FAM178B: variants seen among roughly 807,000 people sequenced by gnomAD.
FAM178B encodes family with sequence similarity 178 member B.
FAM178B carries 82 observed loss-of-function variants against 91.7 expected under a neutral mutation model. The ratio of observed to expected loss-of-function variants is 0.89; its 90% CI spans 0.75 to 1.07. The LOEUF is 1.07. Ranked by LOEUF, FAM178B falls within the 50% of genes least tolerant of loss-of-function variation. FAM178B has a pLI of 0.00. For missense variants in FAM178B, 769 were observed against 846.7 expected (o/e 0.91, Z 1.14); for synonymous variants, 368 against 359.4 (o/e 1.02, Z -0.27).
At chr2:96,936,767 T>C (rs1388136018) in intron 8 of FAM178B, among the ~76,000 whole-genome samples, 1 of 151,630 alleles carries the variant, frequency 6.6e-6, no homozygotes, top group Non-Finnish European at 1.5e-5. Context: ...CACCTCATCC[T>C]CCCAAAATGC....
chr2:96,960,469 G>A (rs1302791207), intron 5 of FAM178B, 29 bp from the exon 6 acceptor site: 1 of 1,514,536 alleles, frequency 6.6e-7, no homozygotes, highest in East Asian at 2.5e-5. Flanking sequence ...GGAGGGCCGG[G>A]CATCAGCAGA....
At chr2:96,957,372 A>C (rs1796044) in intron 6 of FAM178B, among the ~76,000 whole-genome samples, 114,709 of 152,046 alleles carry the variant, frequency 0.75, 44,401 homozygotes, top group Middle Eastern at 0.83. Context: ...CAGGACTGAG[A>C]CCGAGTCACA....
intron 6 of FAM178B, among the ~76,000 whole-genome samples, chr2:96,958,862 G>C (rs2082040490): frequency 1.3e-5 from 2 of 151,808 alleles, no homozygotes; most frequent in African/African-American, 4.8e-5. Flanking sequence ...ACAAACTGAA[G>C]TATTTGTAGA....
At position 96,951,427 on chromosome 2, in the gene FAM178B, G is replaced by C. The variant is rs1273385857; in HGVS notation, c.945C>G (p.Tyr315Ter). 1 of 1,551,672 alleles carries C rather than the reference G, an allele frequency of 6.4e-7. No individual in the cohort carries two copies. The highest frequency in any genetic ancestry group is 8.7e-7 in the Non-Finnish European group (1 of 1,146,952). ...ATACCGGGCAGTCAGGCATGTGCAG[G>C]TAGAGGATGTTCAGGAGGCCACTGC... The part of the protein sequence containing the change: ...FLRSGLLNIL[Y>*]LHMPDCPVSL... The change falls in exon 7 of 17, where the codon TAC becomes TAG. Residue 315 changes from tyrosine (Y) to a stop codon, truncating the protein, a stop_gained. Coordinates refer to ENST00000490605, the MANE Select transcript of FAM178B (RefSeq NM_001122646.3). LOFTEE classifies it high-confidence loss of function.
At chr2:96,970,123 C>A (rs1217501705) in intron 4 of FAM178B, among the ~76,000 whole-genome samples, 2 of 152,210 alleles carry the variant, frequency 1.3e-5, no homozygotes, top group Admixed American at 6.5e-5. Flanking sequence ...CTGTCCCCAG[C>A]CACCTGCACC....
At chr2:96,963,463 C>T (rs756525200) in intron 5 of FAM178B, among the ~76,000 whole-genome samples, 1 of 152,236 alleles carries the variant, frequency 6.6e-6, no homozygotes, top group Non-Finnish European at 1.5e-5. Flanking sequence ...CTTCCTGCAA[C>T]ATCAGACAGG....
intron 7 of FAM178B, among the ~76,000 whole-genome samples, chr2:96,948,964 GCGTGGAT>G (rs764913087): frequency 1.9e-4 from 29 of 152,338 alleles, no homozygotes; most frequent in Non-Finnish European, 4.1e-4. Flanking sequence ...CAGTAAGCCT[GCGTGGAT>G]GCCCTCCGGT....
At chr2:96,902,207 G>A (rs554707605) in intron 13 of FAM178B, among the ~76,000 whole-genome samples, 40 of 151,296 alleles carry the variant, frequency 2.6e-4, no homozygotes, top group Middle Eastern at 3.4e-3. Flanking sequence ...CCAGGTTCAC[G>A]CCATTCTCCT....
intron 15 of FAM178B, 138 bp downstream of exon 15, chr2:96,878,278 C>T (rs1291732374): frequency 1.6e-5 from 14 of 899,382 alleles, no homozygotes; most frequent in Admixed American, 8.4e-5. Context: ...GGCTCTCCCA[C>T]GCTGGCTTCC....
intron 13 of FAM178B, among the ~76,000 whole-genome samples, chr2:96,897,402 A>G (rs187156547): frequency 2.0e-5 from 3 of 152,298 alleles, no homozygotes; most frequent in African/African-American, 7.2e-5. Context: ...GATTTGAGCC[A>G]CCCGAAGCCC....
intron 12 of FAM178B, among the ~76,000 whole-genome samples, chr2:96,915,624 TG>T (rs1171284205): frequency 6.6e-6 from 1 of 151,634 alleles, no homozygotes; most frequent in African/African-American, 2.4e-5. Flanking sequence ...AAGACCAGCC[TG>T]CCCAACATGG....
At chr2:96,928,130 T>C (rs2081476652) in intron 9 of FAM178B, among the ~76,000 whole-genome samples, 1 of 152,116 alleles carries the variant, frequency 6.6e-6, no homozygotes, top group Non-Finnish European at 1.5e-5. Flanking sequence ...AGCTCCCACT[T>C]TCCATGCAGA....
chr2:96,915,056 G>A (rs1004811724), intron 12 of FAM178B, among the ~76,000 whole-genome samples: 1 of 152,034 alleles, frequency 6.6e-6, no homozygotes, highest in African/African-American at 2.4e-5. Context: ...GGTACATGGA[G>A]TCCATTTTAC....
chr2:96,877,087 T>C (rs867889181), intron 16 of FAM178B, among the ~76,000 whole-genome samples: 9 of 152,106 alleles, frequency 5.9e-5, no homozygotes, highest in African/African-American at 1.7e-4. Context: ...TTGTGTGGGT[T>C]CTTGAGAAAC....
chr2:96,972,432 T>G (rs941011095), intron 2 of FAM178B, 106 bp downstream of exon 2: 1 of 1,489,880 alleles, frequency 6.7e-7, no homozygotes, highest in Non-Finnish European at 9.1e-7. Flanking sequence ...CAACTTGGGG[T>G]TGCTGTGGGA....
chr2:96,902,585 T>C (rs749361431), intron 13 of FAM178B, 35 bp downstream of exon 13: 3 of 1,451,874 alleles, frequency 2.1e-6, no homozygotes, highest in Admixed American at 2.0e-5. Context: ...CCGCAGGCCA[T>C]GGCCTTCCTG....
chr2:96,916,233 G>A (rs1041554841), intron 12 of FAM178B, among the ~76,000 whole-genome samples: 8 of 152,206 alleles, frequency 5.3e-5, no homozygotes, highest in African/African-American at 1.9e-4. Context: ...ACTACTGACC[G>A]CATCTCATGA....
intron 14 of FAM178B, among the ~76,000 whole-genome samples, chr2:96,883,190 T>A (rs2080431734): frequency 6.6e-6 from 1 of 152,152 alleles, no homozygotes; most frequent in South Asian, 2.1e-4. Context: ...CATGTTCTGG[T>A]CCAGCTAGTT....
intron 5 of FAM178B, among the ~76,000 whole-genome samples, chr2:96,965,837 A>G (rs1340014911): frequency 2.0e-5 from 3 of 151,958 alleles, no homozygotes; most frequent in African/African-American, 7.3e-5. Context: ...GTCCCTTTTG[A>G]GTCCTCTCTT....
Sources: gnomAD v4.1 joint callset for allele counts (sites outside exome capture counted in the v4.1 genomes callset) on GRCh38, gnomAD v4.1.1 for gene constraint, MANE v1.5 for transcripts, NCBI Gene and HGNC (gene_info 2026-07-23, HGNC 2026-07-21) for gene names.